Variants in BMPER observed in about 807,000 individuals in gnomAD.
BMPER encodes the protein BMP-binding endothelial regulator protein.
Under a neutral mutation model 87.3 loss-of-function variants are expected in BMPER, and 45 were observed. The ratio of observed to expected loss-of-function variants is 0.52; its 90% CI spans 0.41 to 0.66. BMPER has a LOEUF of 0.66. Among genes scored for constraint, BMPER ranks in the 30% least tolerant of loss-of-function variants. The pLI is 0.00. For synonymous variants in BMPER, 326 were observed against 316.2 expected (o/e 1.03, Z -0.33); for missense variants, 784 against 867.5 (o/e 0.90, Z 1.21).
intron 6 of BMPER, among the ~76,000 whole-genome samples, chr7:33,978,847 A>G (rs548063420): frequency 6.6e-6 from 1 of 152,220 alleles, no homozygotes; most frequent in South Asian, 2.1e-4. Flanking sequence ...CCTATTTTAT[A>G]ATAAACTATT....
intron 6 of BMPER, among the ~76,000 whole-genome samples, chr7:34,001,604 A>C (rs1786583077): frequency 6.8e-6 from 1 of 147,816 alleles, no homozygotes; most frequent in Non-Finnish European, 1.5e-5. Context: ...ATGGTTTATC[A>C]ATTTTGTTGA....
intron 6 of BMPER, among the ~76,000 whole-genome samples, chr7:34,008,272 A>G (rs993321340): frequency 8.5e-5 from 13 of 152,084 alleles, no homozygotes; most frequent in African/African-American, 3.1e-4. Context: ...GGCTTTTATA[A>G]GCAAAGGAAA....
At chr7:34,116,288 T>C (rs1790117062) in intron 13 of BMPER, among the ~76,000 whole-genome samples, 1 of 152,236 alleles carries the variant, frequency 6.6e-6, no homozygotes. Flanking sequence ...AGTTGGCTGA[T>C]TGACTACTGA....
chr7:33,915,016 T>A (rs1343000112), intron 2 of BMPER, among the ~76,000 whole-genome samples: 2 of 152,152 alleles, frequency 1.3e-5, no homozygotes, highest in African/African-American at 4.8e-5. Context: ...TGATCATAGA[T>A]GAGATTCAGT....
chr7:33,915,290 A>C (rs1377242013), intron 2 of BMPER, among the ~76,000 whole-genome samples: 1 of 152,224 alleles, frequency 6.6e-6, no homozygotes, highest in Non-Finnish European at 1.5e-5. Flanking sequence ...ATTAGGAATA[A>C]AAGCAACAAT....
intron 6 of BMPER, among the ~76,000 whole-genome samples, chr7:33,992,814 T>C (rs1176567270): frequency 1.4e-5 from 2 of 138,512 alleles, no homozygotes; most frequent in Admixed American, 7.3e-5. Flanking sequence ...GCAGGCCTGG[T>C]GGTGACAAAA....
chr7:34,145,226 A>C (rs543710154), intron 14 of BMPER, among the ~76,000 whole-genome samples: 1 of 151,934 alleles, frequency 6.6e-6, no homozygotes, highest in African/African-American at 2.4e-5. Flanking sequence ...AGGATGATGG[A>C]TTTTTGGGGG....
intron 3 of BMPER, among the ~76,000 whole-genome samples, chr7:33,959,435 TTTTG>T (rs1354044664): frequency 2.6e-5 from 4 of 152,246 alleles, no homozygotes; most frequent in African/African-American, 9.6e-5. Context: ...CTTTCTCCAT[TTTTG>T]TTCAGCATGA....
chr7:33,929,357 C>T (rs994838928), intron 2 of BMPER, among the ~76,000 whole-genome samples: 3 of 152,146 alleles, frequency 2.0e-5, no homozygotes, highest in African/African-American at 7.2e-5. Flanking sequence ...AATGAGAGGA[C>T]TTGGCAGGTT....
chr7:34,101,104 A>G (rs1789670689), intron 13 of BMPER, among the ~76,000 whole-genome samples: 2 of 152,168 alleles, frequency 1.3e-5, no homozygotes, highest in Admixed American at 1.3e-4. Context: ...GGTTTTCTCC[A>G]TTTCTAGTCT....
chr7:34,058,130 T>C lies in BMPER; in HGVS notation c.999T>C (p.Asn333=). The C allele has an allele frequency of 6.2e-7, 1 of 1,614,142 alleles. No individual in the cohort carries two copies. Among genetic ancestry groups the C allele is most frequent in the Admixed American group, 1.7e-5 (1 of 60,024 alleles). The change falls in exon 10 of 15, where the codon AAT becomes AAC. Residue 333 remains asparagine, a synonymous_variant. Transcript: ENST00000649409. Reference sequence around the variant, plus strand: ...TGAAAGGCAGGACGGAGTGTCGCAATAAGCAGTGCATTCCCATCAGTAGCT... The same window carrying C: ...TGAAAGGCAGGACGGAGTGTCGCAACAAGCAGTGCATTCCCATCAGTAGCT... ...ACVKGRTECR[N]KQCIPISSCP...
intron 12 of BMPER, among the ~76,000 whole-genome samples, chr7:34,081,982 A>T (rs1446768916): frequency 6.6e-6 from 1 of 152,324 alleles, no homozygotes; most frequent in East Asian, 1.9e-4. Context: ...AACAAAAACC[A>T]CAAAAAACCC....
At chr7:33,953,743 C>T (rs1414800987) in intron 3 of BMPER, among the ~76,000 whole-genome samples, 1 of 152,196 alleles carries the variant, frequency 6.6e-6, no homozygotes, top group African/African-American at 2.4e-5. Flanking sequence ...CTATCTATTT[C>T]TAGAACTTTT....
intron 6 of BMPER, among the ~76,000 whole-genome samples, chr7:34,014,038 T>G (rs1036631159): frequency 7.9e-5 from 12 of 152,084 alleles, no homozygotes; most frequent in Admixed American, 7.9e-4. Context: ...ACTTTGCCCA[T>G]CAGGGTAAGG....
At chr7:33,927,139 C>T (rs1784378802) in intron 2 of BMPER, among the ~76,000 whole-genome samples, 1 of 152,252 alleles carries the variant, frequency 6.6e-6, no homozygotes, top group African/African-American at 2.4e-5. Context: ...GGCTCCTCCG[C>T]CCTGCCTAAT....
At chr7:34,028,538 A>G (rs1466162581) in intron 6 of BMPER, among the ~76,000 whole-genome samples, 1 of 146,714 alleles carries the variant, frequency 6.8e-6, no homozygotes, top group Admixed American at 6.9e-5. Flanking sequence ...TATACTTTTC[A>G]TATGTGATGG....
intron 6 of BMPER, among the ~76,000 whole-genome samples, chr7:34,010,016 A>G (rs908275169): frequency 1.3e-5 from 2 of 151,958 alleles, no homozygotes; most frequent in Admixed American, 6.6e-5. Flanking sequence ...TGCTGGTGTC[A>G]GTGGGTTAAA....
chr7:33,958,011 C>T (rs138269198), intron 3 of BMPER, among the ~76,000 whole-genome samples: 26 of 152,230 alleles, frequency 1.7e-4, no homozygotes, highest in South Asian at 4.2e-4. Context: ...TTTGAGGAGA[C>T]GGAGGGTTCC....
chr7:34,009,012 T>TG (rs1248366590), intron 6 of BMPER, among the ~76,000 whole-genome samples: 1 of 151,802 alleles, frequency 6.6e-6, no homozygotes, highest in African/African-American at 2.4e-5. Context: ...TTTGTAGAGA[T>TG]GGGGTCTCAC....
Sources: gnomAD v4.1 joint callset for allele counts (sites outside exome capture counted in the v4.1 genomes callset) on GRCh38, gnomAD v4.1.1 for gene constraint, MANE v1.5 for transcripts, NCBI Gene and HGNC (gene_info 2026-07-23, HGNC 2026-07-21) for gene names.